Variants in DUSP29 observed in about 807,000 individuals in gnomAD.
DUSP29 encodes the protein atypical dual-specific protein phosphatase.
A neutral mutation model predicts 13.5 loss-of-function variants in DUSP29; 12 were observed. The ratio of observed to expected loss-of-function variants is 0.89; its 90% CI spans 0.57 to 1.44. DUSP29 has a LOEUF of 1.44. Among genes scored for constraint, DUSP29 ranks in the 40% most tolerant of loss-of-function variants. The pLI is 0.00. For missense variants in DUSP29, 308 were observed against 301.1 expected, an observed-to-expected ratio of 1.02 and a Z score of -0.17; for synonymous variants, 134 against 128.7, an observed-to-expected ratio of 1.04 and a Z score of -0.28.
intron 1 of DUSP29, among the ~76,000 whole-genome samples, chr10:75,060,064 G>A (rs11001265): frequency 0.33 from 50,270 of 151,512 alleles, 9,184 homozygotes; most frequent in East Asian, 0.73. Flanking sequence ...GGAGGCTGAG[G>A]CAGGAGAATC....
At chr10:75,062,575 C>T (rs561342917) in intron 1 of DUSP29, among the ~76,000 whole-genome samples, 5 of 152,308 alleles carry the variant, frequency 3.3e-5, no homozygotes, top group South Asian at 4.1e-4. Flanking sequence ...TCCTCCAGCA[C>T]GCAGATTTGA....
At chr10:75,048,849 C>T (rs941808467) in intron 2 of DUSP29, among the ~76,000 whole-genome samples, 2 of 152,182 alleles carry the variant, frequency 1.3e-5, no homozygotes, top group African/African-American at 2.4e-5. Flanking sequence ...TGTTGAGGCA[C>T]CTGAGAAAAC....
chr10:75,046,108 T>A (rs1416813194), intron 2 of DUSP29, among the ~76,000 whole-genome samples: 1 of 151,416 alleles, frequency 6.6e-6, no homozygotes, highest in East Asian at 1.9e-4. Context: ...AGAGACTCTG[T>A]CTTTAAAAAA....
At chr10:75,047,245 C>CAA (rs760633214) in intron 2 of DUSP29, among the ~76,000 whole-genome samples, 5 of 152,184 alleles carry the variant, frequency 3.3e-5, no homozygotes, top group Admixed American at 6.5e-5. Flanking sequence ...TTCATTCACT[C>CAA]AGAGTTCAGT....
intron 1 of DUSP29, among the ~76,000 whole-genome samples, chr10:75,060,107 C>T (rs181919278): frequency 6.6e-6 from 1 of 151,846 alleles, no homozygotes; most frequent in East Asian, 1.9e-4. Context: ...TTGCAGTGAG[C>T]TGAGATCGCA....
chr10:75,038,247 AG>A (rs1254794463), intron 3 of DUSP29, among the ~76,000 whole-genome samples, 170 bp from the exon 4 acceptor site: 1 of 152,070 alleles, frequency 6.6e-6, no homozygotes, highest in Admixed American at 6.5e-5. Context: ...TCTTCTTCAT[AG>A]GGTTGTTGAG....
At chr10:75,066,747 C>T (rs550870157) in intron 1 of DUSP29, among the ~76,000 whole-genome samples, 2 of 152,182 alleles carry the variant, frequency 1.3e-5, no homozygotes, top group South Asian at 4.1e-4. Context: ...CTGCTCCTTA[C>T]ATCTCTCCAG....
chr10:75,049,481 AAGGCC>A (rs755644466), intron 2 of DUSP29, among the ~76,000 whole-genome samples: 4 of 152,334 alleles, frequency 2.6e-5, no homozygotes, highest in East Asian at 1.9e-4. Flanking sequence ...TGGCAATGAG[AAGGCC>A]AGGCCAGGCC....
intron 2 of DUSP29, among the ~76,000 whole-genome samples, chr10:75,049,537 T>G (rs1846779482): frequency 6.6e-6 from 1 of 152,240 alleles, no homozygotes; most frequent in African/African-American, 2.4e-5. Context: ...TGCCTGTGAC[T>G]GCTGCCCAGC....
intron 3 of DUSP29, among the ~76,000 whole-genome samples, chr10:75,042,589 GT>G (rs1176455890): frequency 6.6e-6 from 1 of 152,060 alleles, no homozygotes; most frequent in Admixed American, 6.5e-5. Context: ...AGCTCTAAGG[GT>G]TTTTTTTCAT....
chr10:75,056,392 G>A (rs1252340606), intron 2 of DUSP29, among the ~76,000 whole-genome samples: 1 of 152,018 alleles, frequency 6.6e-6, no homozygotes, highest in African/African-American at 2.4e-5. Flanking sequence ...GTCAGGTATA[G>A]TGGCAGGTGT....
chr10:75,063,887 A>G (rs1847140875), intron 1 of DUSP29, among the ~76,000 whole-genome samples: 1 of 152,188 alleles, frequency 6.6e-6, no homozygotes, highest in Non-Finnish European at 1.5e-5. Flanking sequence ...ATAAAAATGT[A>G]AGGAGAAAAG....
chr10:75,070,016 C>T (rs1847290244), intron 1 of DUSP29, among the ~76,000 whole-genome samples: 1 of 149,254 alleles, frequency 6.7e-6, no homozygotes, highest in Non-Finnish European at 1.5e-5. Context: ...TGCCACTGCA[C>T]TCCAGCCTGG....
intron 3 of DUSP29, among the ~76,000 whole-genome samples, chr10:75,043,297 T>G (rs376148835): frequency 1.3e-5 from 2 of 152,352 alleles, no homozygotes; most frequent in African/African-American, 4.8e-5. Flanking sequence ...GAGGGTTTTC[T>G]GGCATCAAAG....
chr10:75,048,201 G>C (rs1005844791), intron 2 of DUSP29, among the ~76,000 whole-genome samples: 1 of 152,034 alleles, frequency 6.6e-6, no homozygotes, highest in African/African-American at 2.4e-5. Flanking sequence ...TGCTAAAATT[G>C]CTAAAAATTG....
At chr10:75,048,830 G>GCTC (rs1846761047) in intron 2 of DUSP29, among the ~76,000 whole-genome samples, 1 of 152,214 alleles carries the variant, frequency 6.6e-6, no homozygotes, top group Non-Finnish European at 1.5e-5. Flanking sequence ...TGAGGGTGAA[G>GCTC]CTCCTCCGTG....
intron 2 of DUSP29, among the ~76,000 whole-genome samples, chr10:75,057,516 A>G (rs1414815975): frequency 3.3e-5 from 5 of 152,178 alleles, no homozygotes; most frequent in Non-Finnish European, 7.3e-5. Flanking sequence ...CAGTTTCCCT[A>G]TCTTTATAAT....
At chr10:75,072,340 C>T (rs779003713) in intron 1 of DUSP29, among the ~76,000 whole-genome samples, 6 of 152,122 alleles carry the variant, frequency 3.9e-5, no homozygotes, top group Non-Finnish European at 8.8e-5. Flanking sequence ...ACAGCCTGCC[C>T]GTCTGTATGC....
intron 2 of DUSP29, among the ~76,000 whole-genome samples, chr10:75,052,110 G>A (rs1377366303): frequency 6.6e-6 from 1 of 152,072 alleles, no homozygotes; most frequent in South Asian, 2.1e-4. Flanking sequence ...GCAAGTTCAA[G>A]GTCAAACATC....
Sources: allele counts gnomAD v4.1 joint callset (sites outside exome capture counted in the v4.1 genomes callset), GRCh38; gene constraint gnomAD v4.1.1; transcripts MANE v1.5; gene names NCBI Gene and HGNC (gene_info 2026-07-23, HGNC 2026-07-21).